GIMAP8: variants seen among roughly 807,000 people sequenced by gnomAD.
GIMAP8 encodes GTPase IMAP family member 8.
GIMAP8 carries 29 observed loss-of-function variants against 35.6 expected under a neutral mutation model. The observed-to-expected ratio is 0.81, with a 90% confidence interval of 0.61 to 1.11. The LOEUF (loss-of-function observed/expected upper bound fraction) is 1.11. Among genes scored for constraint, GIMAP8 ranks in the 50% most tolerant of loss-of-function variants. GIMAP8 has a pLI of 0.00. For synonymous variants in GIMAP8, 335 were observed against 308.7 expected, an observed-to-expected ratio of 1.09 and a Z score of -0.89; for missense variants, 811 against 805.0, an observed-to-expected ratio of 1.01 and a Z score of -0.09.
At chr7:150,452,707 T>TAC (rs1190210014) in intron 1 of GIMAP8, among the ~76,000 whole-genome samples, 86 of 91,550 alleles carry the variant, frequency 9.4e-4, no homozygotes, top group East Asian at 4.9e-3. Flanking sequence ...TATATATATA[T>TAC]ATACATGCGA....
At chr7:150,464,488 C>T (rs1055516615) in intron 1 of GIMAP8, among the ~76,000 whole-genome samples, 1 of 152,098 alleles carries the variant, frequency 6.6e-6, no homozygotes, top group Non-Finnish European at 1.5e-5. Context: ...TTGAGACCCA[C>T]CTGGGCAACA....
At chr7:150,456,275 C>CA (rs1225121958) in intron 1 of GIMAP8, among the ~76,000 whole-genome samples, 1 of 152,160 alleles carries the variant, frequency 6.6e-6, no homozygotes, top group Non-Finnish European at 1.5e-5. Flanking sequence ...TTCTGGAGGT[C>CA]AAAAGTGCTG....
rs1217586300 is a variant in GIMAP8 at position 150,451,403 on chromosome 7, A to G, written c.-29+228A>G. Among the ~76,000 whole-genome samples, 24 of 143,180 alleles carry G rather than the reference A, an allele frequency of 1.7e-4. No individual in the cohort carries two copies. The highest frequency in any genetic ancestry group is 5.7e-4 in the African/African-American group (23 of 40,244). The allele number at this position is 143,180 out of a possible 152,430, so 93.9% of individuals were successfully genotyped here. ...GTTGAATGGCAGGGTTGAATGGCAG[A>G]GTTGAATGGCAGGGGCCCTGGGAAG... On this transcript the variant is annotated intron_variant, in intron 1 of 4. Coordinates refer to ENST00000307271, the MANE Select transcript of GIMAP8 (RefSeq NM_175571.4). This position sits in a 1 kb window ranked among gnomAD's most constrained non-coding sequence, Gnocchi z 4.1.
chr7:150,468,189 C>T (rs1407072057), intron 2 of GIMAP8, among the ~76,000 whole-genome samples: 1 of 152,152 alleles, frequency 6.6e-6, no homozygotes, highest in Non-Finnish European at 1.5e-5. Context: ...CGTTTCTTGC[C>T]TAACCTATTT....
chr7:150,470,487 G>T (rs1802063385), intron 2 of GIMAP8, among the ~76,000 whole-genome samples: 1 of 152,076 alleles, frequency 6.6e-6, no homozygotes, highest in South Asian at 2.1e-4. Context: ...AGACTTGGGG[G>T]GGTGGGGAAC....
Position 150,477,738 on chromosome 7 carries a change from A to G in GIMAP8, c.1956A>G (p.Gln652=), listed in dbSNP as rs752174341. The G allele has an allele frequency of 3.7e-6, 6 of 1,613,696 alleles. No homozygotes were observed. The highest frequency in any genetic ancestry group is 4.5e-5 in the East Asian group (2 of 44,870). ...TTAAAAATGTCCAGGAAATGTCCCA[A>G]GCCGAAAAACTCCTTAAAAATTTAA... is the stretch of plus-strand genomic sequence containing the variant. ...KLIKNVQEMS[Q]AEKLLKNLIG... The change falls in exon 5 of 5, where the codon CAA becomes CAG. Residue 652 remains glutamine (Q), a synonymous_variant. Coordinates refer to ENST00000307271, the MANE Select transcript of GIMAP8 (RefSeq NM_175571.4).
chr7:150,459,203 T>C (rs1440924144), intron 1 of GIMAP8, among the ~76,000 whole-genome samples: 1 of 152,242 alleles, frequency 6.6e-6, no homozygotes, highest in Non-Finnish European at 1.5e-5. Flanking sequence ...GTATTCCATA[T>C]TCTTTCTTAC....
At chr7:150,456,661 T>C (rs1008960514) in intron 1 of GIMAP8, among the ~76,000 whole-genome samples, 2 of 152,248 alleles carry the variant, frequency 1.3e-5, no homozygotes, top group African/African-American at 4.8e-5. Flanking sequence ...GTGGACACCT[T>C]GGGCGACCAT....
rs138896947 is a variant in GIMAP8, at chr7:150,477,450, T to C, written c.1668T>C (p.Phe556=). 5 of 1,613,638 alleles carry C rather than the reference T, an allele frequency of 3.1e-6. No homozygotes were observed. Among genetic ancestry groups the C allele is most frequent in the Non-Finnish European group, 4.2e-6 (5 of 1,179,632 alleles). Residue 556 remains phenylalanine, a synonymous_variant, in exon 5 of 5, where the codon TTT becomes TTC. Coordinates refer to ENST00000307271, the MANE Select transcript of GIMAP8 (RefSeq NM_175571.4). ...AKLEAIFGAD[F]TKYAIMLFTR... ...TGGAGGCCATCTTTGGAGCAGACTT[T>C]ACGAAATACGCGATTATGCTGTTCA...
chr7:150,455,945 T>G (rs530327600), intron 1 of GIMAP8, among the ~76,000 whole-genome samples: 4 of 152,270 alleles, frequency 2.6e-5, no homozygotes, highest in Non-Finnish European at 4.4e-5. Context: ...GGTTGACTTT[T>G]TGTTTTAATA....
chr7:150,477,044 T>C, intron 4 of GIMAP8, 48 bp from the exon 5 acceptor site: 1 of 1,461,772 alleles, frequency 6.8e-7, no homozygotes, highest in Non-Finnish European at 9.4e-7. Context: ...TAAAATCCAA[T>C]TTCAGATCAG....
At chr7:150,469,712 TA>T (rs11311795) in intron 2 of GIMAP8, among the ~76,000 whole-genome samples, 3,265 of 132,018 alleles carry the variant, frequency 0.025, 130 homozygotes, top group African/African-American at 0.083. Flanking sequence ...GCCCTGGAAA[TA>T]AAAAAAAAAA....
intron 1 of GIMAP8, among the ~76,000 whole-genome samples, chr7:150,456,229 A>T (rs1050049808): frequency 1.3e-5 from 2 of 152,184 alleles, no homozygotes; most frequent in Non-Finnish European, 2.9e-5. Context: ...ATTGCCACAA[A>T]CTTAGTGGCT....
In GIMAP8 at chr7:150,474,403, C is replaced by T; in HGVS notation, c.1074C>T (p.Tyr358=). The change falls in exon 4 of 5, where the codon TAC becomes TAT. Residue 358 remains tyrosine, a synonymous_variant. Transcript: ENST00000307271. ...QNNFGEKFFE[Y]MIILLTRKED... ...ATTTTGGAGAAAAATTCTTTGAGTA[C>T]ATGATCATACTTCTTACCAGGAAAG... The T allele has an allele frequency of 6.2e-7, 1 of 1,614,090 alleles. No homozygotes were observed. The highest frequency in any genetic ancestry group is 1.1e-5 in the South Asian group (1 of 91,074).
At position 150,473,919 on chromosome 7, in the gene GIMAP8, A is replaced by G. The variant is rs548799755; in HGVS notation, c.683-93A>G. On this transcript the variant is annotated intron_variant, in intron 3 of 4. Transcript: ENST00000307271. ...GTTTACCGTGTTGTTGCCATTCTCT[A>G]TACAAGTTTGCAGGGATGAGAAATC... 13 of 1,327,190 alleles carry G rather than the reference A, an allele frequency of 9.8e-6. No individual in the cohort carries two copies. The Middle Eastern group carries it at 1.1e-3, about 113-fold the overall frequency. 82.2% of individuals were successfully genotyped at this position (1,327,190 alleles called of 1,614,324 possible). A position where few individuals can be genotyped will look rare whatever the true frequency, so the allele number is the denominator to read the frequency against.
At chr7:150,465,728 A>G (rs984463561) in intron 1 of GIMAP8, among the ~76,000 whole-genome samples, 8 of 152,226 alleles carry the variant, frequency 5.3e-5, no homozygotes, top group African/African-American at 1.9e-4. Context: ...CATTAGCTCA[A>G]GAGTTTTGGG....
rs372553409 is a variant in GIMAP8 at position 150,466,753 on chromosome 7, T to C, written c.55T>C (p.Cys19Arg). ...ACTGCGGCTCCTCCTCCTGGGAAAA[T>C]GCCGCTCGGGAAAAAGTGCCACAGG... ...SELRLLLLGK[C>R]RSGKSATGNA... Residue 19 changes from cysteine to arginine, a missense_variant, in exon 2 of 5, where the codon TGC becomes CGC. Cys to Arg is a radical substitution (Grantham distance 180, BLOSUM62 -3). Coordinates refer to ENST00000307271, the MANE Select transcript of GIMAP8 (RefSeq NM_175571.4). 1.2e-5 allele frequency: 20 copies of C among 1,614,094 alleles called. No homozygotes were observed. The African/African-American group carries it at 2.3e-4, about 18-fold the overall frequency.
At chr7:150,473,698 T>C (rs1257244621) in intron 3 of GIMAP8, among the ~76,000 whole-genome samples, 1 of 151,756 alleles carries the variant, frequency 6.6e-6, no homozygotes, top group Non-Finnish European at 1.5e-5. Flanking sequence ...CGTACTTACC[T>C]TTGGTAGGCC....
chr7:150,469,381 C>CTGAA (rs1802039994), intron 2 of GIMAP8, among the ~76,000 whole-genome samples: 1 of 152,164 alleles, frequency 6.6e-6, no homozygotes. Flanking sequence ...GCAATGTCAC[C>CTGAA]ACCACATCAA....
Sources: allele counts gnomAD v4.1 joint callset (sites outside exome capture counted in the v4.1 genomes callset), GRCh38; gene constraint gnomAD v4.1.1; non-coding constraint Gnocchi (gnomAD v3.1); transcripts MANE v1.5; gene names NCBI Gene and HGNC (gene_info 2026-07-23, HGNC 2026-07-21).